The following ADGRV1 variants were observed in gnomAD, a reference collection of about 807,000 sequenced individuals.
The protein encoded by ADGRV1 is G-protein coupled receptor 98.
Under a neutral mutation model 596.2 loss-of-function variants are expected in ADGRV1, and 359 were observed. The observed-to-expected ratio is 0.60, with a 90% confidence interval of 0.55 to 0.66. ADGRV1 has a LOEUF of 0.66. Ranked by LOEUF, ADGRV1 falls within the 30% of genes least tolerant of loss-of-function variation. The probability of loss-of-function intolerance (pLI) is 0.00; values close to 1 mark genes in which losing one functional copy is unlikely to be tolerated. For synonymous variants in ADGRV1, 2,681 were observed against 2,679.2 expected (o/e 1.00, Z -0.02); for missense variants, 7,274 against 7,575.6 (o/e 0.96, Z 1.48).
chr5:90,570,791 G>T (rs1756423368), intron 1 of ADGRV1, among the ~76,000 whole-genome samples: 1 of 148,570 alleles, frequency 6.7e-6, no homozygotes. Flanking sequence ...CTATCTTTTT[G>T]ATATCATTCA....
chr5:90,728,829 G>A lies in ADGRV1; in HGVS notation c.10322G>A (p.Gly3441Glu), dbSNP rs200464486. 9 of 1,613,832 alleles carry A rather than the reference G, an allele frequency of 5.6e-6. No individual in the cohort carries two copies. The East Asian group carries it at 1.8e-4, about 32-fold the overall frequency. The change falls in exon 49 of 90, where the codon GGG becomes GAG. Residue 3441 changes from glycine (G) to glutamate (E), a missense_variant. Transcript: ENST00000405460. ...NSLLFRWSGS[G>E]FINFQEVPVS... ...CTTTTATTCAGATGGTCTGGCAGTGGGTTTATTAACTTTCAAGAGGTGCCT... is the reference window on the plus strand; with the variant it reads ...CTTTTATTCAGATGGTCTGGCAGTGAGTTTATTAACTTTCAAGAGGTGCCT...
At position 90,725,256 on chromosome 5, in the gene ADGRV1, T is replaced by C. The variant is rs772996437; in HGVS notation, c.10053+24T>C. On this transcript the variant is annotated intron_variant, in intron 47 of 89. Coordinates refer to ENST00000405460, the MANE Select transcript of ADGRV1 (RefSeq NM_032119.4). ...TGGTAAAAACATTTTCATTTTTAAA[T>C]AGATTACTTTCTTTAAAAGAAATTA... 6.6e-6 allele frequency: 8 copies of C among 1,220,052 alleles called. No homozygotes were observed. The South Asian group carries it at 1.1e-4, about 17-fold the overall frequency. 75.6% of individuals were successfully genotyped at this position (1,220,052 alleles called of 1,614,324 possible). A position where few individuals can be genotyped will look rare whatever the true frequency, so the allele number is the denominator to read the frequency against.
At chr5:91,134,190 C>CT (rs765170987) in intron 87 of ADGRV1, among the ~76,000 whole-genome samples, 216 of 142,122 alleles carry the variant, frequency 1.5e-3, no homozygotes, top group Middle Eastern at 3.6e-3. Context: ...CTGTTTCTTT[C>CT]TTTTTTTTTT....
chr5:90,884,378 A>G (rs1278030651), intron 83 of ADGRV1, among the ~76,000 whole-genome samples: 2 of 152,158 alleles, frequency 1.3e-5, no homozygotes, highest in African/African-American at 2.4e-5. Context: ...ACATTTTATG[A>G]AATGTATCTT....
At chr5:90,646,961 A>AC (rs1767884300) in intron 16 of ADGRV1, among the ~76,000 whole-genome samples, 1 of 151,672 alleles carries the variant, frequency 6.6e-6, no homozygotes, top group African/African-American at 2.4e-5. Flanking sequence ...TTTAGTAGAG[A>AC]CGGGTTTTCA....
At chr5:90,987,933 C>T (rs1780630560) in intron 85 of ADGRV1, among the ~76,000 whole-genome samples, 1 of 152,054 alleles carries the variant, frequency 6.6e-6, no homozygotes, top group African/African-American at 2.4e-5. Flanking sequence ...TCCTGCCAGC[C>T]CTGAAGTCTA....
At position 90,755,166 on chromosome 5, in the gene ADGRV1, C is replaced by T; in HGVS notation, c.11561C>T (p.Ala3854Val). 1 of 1,601,862 alleles carries T rather than the reference C, an allele frequency of 6.2e-7. No homozygotes were observed. The highest frequency in any genetic ancestry group is 1.1e-5 in the South Asian group (1 of 89,448). ...AAAGAAAACATAAAAGAAGCTCATG[C>T]CGAAGTTTCCATTTTGCCGGTAAGT... The part of the protein sequence containing the change: ...IMKENIKEAH[A>V]EVSILPDDLP... The change falls in exon 55 of 90, where the codon GCC becomes GTC. Residue 3854 changes from alanine (A) to valine (V), a missense_variant. Around this residue, in one of 5 missense-constraint regions of ADGRV1, gnomAD observed 3,643 missense variants for 3,809.2 expected, o/e 0.96. Coordinates refer to ENST00000405460, the MANE Select transcript of ADGRV1 (RefSeq NM_032119.4).
At chr5:91,015,351 A>G (rs1027639519) in intron 85 of ADGRV1, among the ~76,000 whole-genome samples, 2 of 152,036 alleles carry the variant, frequency 1.3e-5, no homozygotes, top group African/African-American at 2.4e-5. Context: ...AAGAATGTAT[A>G]TTTTGTTGTT....
intron 43 of ADGRV1, among the ~76,000 whole-genome samples, chr5:90,719,307 C>T (rs564532391): frequency 6.7e-6 from 1 of 149,560 alleles, no homozygotes; most frequent in East Asian, 1.9e-4. Context: ...GGTGACAGCA[C>T]AAGACTCTGT....
intron 89 of ADGRV1, among the ~76,000 whole-genome samples, chr5:91,158,470 G>A (rs554409782): frequency 2.6e-5 from 4 of 152,254 alleles, no homozygotes; most frequent in South Asian, 4.1e-4. Context: ...CAGGGACTGT[G>A]GTAGCATCAG....
At chr5:91,057,215 T>C (rs1055305864) in intron 85 of ADGRV1, among the ~76,000 whole-genome samples, 1 of 152,234 alleles carries the variant, frequency 6.6e-6, no homozygotes, top group African/African-American at 2.4e-5. Flanking sequence ...TATCACACTT[T>C]TGAATTTTCA....
rs113984615 is a variant in ADGRV1 at position 90,653,228 on chromosome 5, G to T, written c.3654G>T (p.Gly1218=). Residue 1218 remains glycine (G), a synonymous_variant, in exon 20 of 90, where the codon GGG becomes GGT. Transcript: ENST00000405460. ...VNISGGSPGP[G]GQLAETNLQV... The stretch of plus-strand genomic sequence containing the variant: ...TTACAGGTGGATCCCCAGGTCCTGG[G>T]GGCCAGCTAGCAGAAACCAACCTCC... 3 of 1,610,476 alleles carry T rather than the reference G, an allele frequency of 1.9e-6. No homozygotes were observed. The South Asian group carries it at 3.3e-5, about 18-fold the overall frequency.
At chr5:90,718,486 C>T (rs1312883322) in intron 43 of ADGRV1, 1 of 151,978 alleles carries the variant, frequency 6.6e-6, no homozygotes, top group Non-Finnish European at 1.5e-5. Flanking sequence ...TTTTTCAAGC[C>T]TGCTGTAGAA....
intron 45 of ADGRV1, among the ~76,000 whole-genome samples, chr5:90,723,314 G>T (rs1378607964): frequency 1.3e-5 from 2 of 152,098 alleles, no homozygotes; most frequent in African/African-American, 4.8e-5. Context: ...GTGTAGGTTG[G>T]ATGGAAAAGG....
At position 90,647,505 on chromosome 5, in the gene ADGRV1, T is replaced by G. The variant is rs1266358675; in HGVS notation, c.3030T>G (p.Arg1010=). The change falls in exon 17 of 90, where the codon CGT becomes CGG. Residue 1010 remains arginine, a synonymous_variant. Transcript: ENST00000405460. ...NDDPIYFAEP[R]VVRVQEGETA... ...TCTTTGTGGATATTTCAGAACCTCG[T>G]GTAGTGAGGGTTCAGGAAGGTGAGA... The G allele has an allele frequency of 6.2e-7, 1 of 1,610,652 alleles. No individual in the cohort carries two copies. Among genetic ancestry groups the G allele is most frequent in the Non-Finnish European group, 8.5e-7 (1 of 1,177,966 alleles).
chr5:90,954,874 T>C (rs1398198754), intron 83 of ADGRV1, among the ~76,000 whole-genome samples: 1 of 152,174 alleles, frequency 6.6e-6, no homozygotes, highest in Non-Finnish European at 1.5e-5. Context: ...ATGTTTCTGA[T>C]TTGCTTTGGA....
chr5:90,714,644 A>G (rs1170415035), intron 42 of ADGRV1, among the ~76,000 whole-genome samples: 1 of 152,080 alleles, frequency 6.6e-6, no homozygotes, highest in Non-Finnish European at 1.5e-5. Flanking sequence ...AGGCAAGGAT[A>G]CAACTTCATT....
At chr5:91,003,245 C>A (rs1027065500) in intron 85 of ADGRV1, among the ~76,000 whole-genome samples, 11 of 152,110 alleles carry the variant, frequency 7.2e-5, no homozygotes, top group African/African-American at 2.4e-4. Context: ...GATAGAAATC[C>A]TGCGCCTTTT....
chr5:90,617,229 T>C (rs984884535), intron 2 of ADGRV1: 1 of 152,154 alleles, frequency 6.6e-6, no homozygotes, highest in Admixed American at 6.5e-5. Flanking sequence ...CATAATTGCT[T>C]TCCTATATAA....
Sources: gnomAD v4.1 joint callset for allele counts (sites outside exome capture counted in the v4.1 genomes callset) on GRCh38, gnomAD v4.1.1 for gene constraint, gnomAD v4.1.1 regional missense constraint, MANE v1.5 for transcripts, NCBI Gene and HGNC (gene_info 2026-07-23, HGNC 2026-07-21) for gene names.